CCDC63: variants seen among roughly 807,000 people sequenced by gnomAD.
CCDC63 encodes coiled-coil domain-containing protein 63.
In CCDC63, 54 loss-of-function variants were observed where a neutral mutation model predicts 63.6. The ratio of observed to expected loss-of-function variants is 0.85; its 90% CI spans 0.68 to 1.07. The LOEUF is 1.07. Among genes scored for constraint, CCDC63 ranks in the 50% least tolerant of loss-of-function variants. CCDC63 has a pLI of 0.00. For synonymous variants in CCDC63, 253 were observed against 266.1 expected, an observed-to-expected ratio of 0.95 and a Z score of 0.48; for missense variants, 637 against 689.6, an observed-to-expected ratio of 0.92 and a Z score of 0.86.
chr12:110,884,180 C>T lies in CCDC63; in HGVS notation c.1004C>T (p.Ala335Val), dbSNP rs1198454807. 1 of 1,614,112 alleles carries T rather than the reference C, an allele frequency of 6.2e-7. No individual in the cohort carries two copies. The highest frequency in any genetic ancestry group is 8.5e-7 in the Non-Finnish European group (1 of 1,180,028). ...DFLAKEEKNFARFTYVTELNN... is the reference protein window; with the variant it reads ...DFLAKEEKNFVRFTYVTELNN... The stretch of plus-strand genomic sequence containing the variant: ...CTGGCCAAGGAGGAGAAGAATTTTG[C>T]TCGGTTCACGTATGTCACGGAGCTC... Residue 335 changes from alanine (A) to valine (V), a missense_variant, in exon 8 of 12, where the codon GCT (alanine) becomes GTT (valine). Transcript: ENST00000308208.
chr12:110,864,980 T>A (rs2070923544), intron 4 of CCDC63, among the ~76,000 whole-genome samples: 1 of 152,222 alleles, frequency 6.6e-6, no homozygotes, highest in Non-Finnish European at 1.5e-5. Context: ...AGACTGACAC[T>A]ACCTTCAGGA....
At chr12:110,899,406 C>A (rs1441247487) in intron 10 of CCDC63, among the ~76,000 whole-genome samples, 1 of 152,184 alleles carries the variant, frequency 6.6e-6, no homozygotes, top group Non-Finnish European at 1.5e-5. Flanking sequence ...GCCATCTCAA[C>A]CTACTGGGCT....
intron 1 of CCDC63, among the ~76,000 whole-genome samples, chr12:110,847,394 A>C (rs527678429): frequency 6.6e-6 from 1 of 152,128 alleles, no homozygotes; most frequent in Admixed American, 6.5e-5. Flanking sequence ...TCTTTACAAA[A>C]TATTTAAAAA....
intron 3 of CCDC63, among the ~76,000 whole-genome samples, chr12:110,855,828 G>T (rs1049440180): frequency 6.6e-6 from 1 of 152,004 alleles, no homozygotes; most frequent in Non-Finnish European, 1.5e-5. Flanking sequence ...TGATCCACCC[G>T]CCTCGGCCTC....
chr12:110,890,007 G>C (rs983274905), intron 8 of CCDC63, among the ~76,000 whole-genome samples: 1 of 152,056 alleles, frequency 6.6e-6, no homozygotes, highest in Non-Finnish European at 1.5e-5. Flanking sequence ...CTTTTTGGTA[G>C]AGTTCTTTCT....
rs1306821378 is a variant in CCDC63 at position 110,866,818 on chromosome 12, T to A, written c.370-7024T>A. 2.2e-4 allele frequency among the ~76,000 whole-genome samples: 33 copies of A among 148,668 alleles called. 1 individual carries two copies. The highest frequency in any genetic ancestry group is 2.2e-3 in the Admixed American group (33 of 15,026). On this transcript the variant is annotated intron_variant, in intron 4 of 11. Transcript: ENST00000308208. ...CCGCCATTGTCATCCTGGCCCGTTC[T>A]CAATGAGCTGTTGGGCACACCTCCC...
chr12:110,868,325 G>A (rs1180009935), intron 4 of CCDC63, among the ~76,000 whole-genome samples: 1 of 136,836 alleles, frequency 7.3e-6, no homozygotes, highest in Non-Finnish European at 1.6e-5. Context: ...CTTCCCAGAC[G>A]GGGTGGCGGC....
At position 110,884,229 on chromosome 12, in the gene CCDC63, C is replaced by T. The variant is rs1230080622; in HGVS notation, c.1053C>T (p.His351=). 1 of 1,613,980 alleles carries T rather than the reference C, an allele frequency of 6.2e-7. No homozygotes were observed. The highest frequency in any genetic ancestry group is 1.7e-5 in the Admixed American group (1 of 60,004). The change falls in exon 8 of 12, where the codon CAC becomes CAT. Residue 351 remains histidine (H), a synonymous_variant. Coordinates refer to ENST00000308208, the MANE Select transcript of CCDC63 (RefSeq NM_152591.3). ...TELNNDMEMM[H]KRTQRIQDEI... is the part of the protein sequence containing the mutation. ...TCAACAACGACATGGAGATGATGCA[C>T]AAGAGGACCCAACGAATCCAGGTCA...
intron 4 of CCDC63, among the ~76,000 whole-genome samples, chr12:110,870,465 G>A (rs951762682): frequency 2.5e-4 from 38 of 152,152 alleles, no homozygotes; most frequent in Admixed American, 4.6e-4. Flanking sequence ...TTGCATTTAG[G>A]TTATTTACGT....
At chr12:110,857,727 G>T (rs1038121420) in intron 3 of CCDC63, among the ~76,000 whole-genome samples, 4 of 152,092 alleles carry the variant, frequency 2.6e-5, no homozygotes, top group African/African-American at 9.7e-5. Context: ...CCACATCCCG[G>T]TAGACATTTC....
intron 4 of CCDC63, among the ~76,000 whole-genome samples, chr12:110,870,397 A>T (rs560784340): frequency 1.3e-5 from 2 of 152,294 alleles, no homozygotes; most frequent in South Asian, 4.1e-4. Context: ...TTAGGATTTC[A>T]CTAGTGTTTT....
chr12:110,849,292 G>C (rs553604498), intron 1 of CCDC63, among the ~76,000 whole-genome samples: 1 of 152,142 alleles, frequency 6.6e-6, no homozygotes, highest in Non-Finnish European at 1.5e-5. Context: ...GATGTCTAGA[G>C]GTAGGCAGTT....
intron 10 of CCDC63, among the ~76,000 whole-genome samples, chr12:110,900,618 G>A (rs1306377514): frequency 1.4e-5 from 2 of 140,816 alleles, no homozygotes; most frequent in Non-Finnish European, 3.1e-5. Flanking sequence ...TTTTTTTTTC[G>A]AGATGGAGTC....
At chr12:110,857,862 T>C (rs1201442150) in intron 3 of CCDC63, among the ~76,000 whole-genome samples, 1 of 152,078 alleles carries the variant, frequency 6.6e-6, no homozygotes, top group Non-Finnish European at 1.5e-5. Context: ...ATCTCAGCAC[T>C]TTGGGAGGCC....
At chr12:110,848,290 A>G (rs7980320) in intron 1 of CCDC63, among the ~76,000 whole-genome samples, 110,837 of 152,048 alleles carry the variant, frequency 0.73, 40,582 homozygotes, top group African/African-American at 0.76. Flanking sequence ...CCCATGGACT[A>G]TGAGTTTCAG....
chr12:110,870,865 C>A (rs4766437), intron 4 of CCDC63, among the ~76,000 whole-genome samples: 1 of 152,178 alleles, frequency 6.6e-6, no homozygotes, highest in Non-Finnish European at 1.5e-5. Context: ...GCCAGCTTCC[C>A]CCTTTCTAGA....
intron 9 of CCDC63, among the ~76,000 whole-genome samples, chr12:110,896,344 A>G (rs1350443382): frequency 6.6e-6 from 1 of 152,022 alleles, no homozygotes; most frequent in East Asian, 1.9e-4. Context: ...GTCATATGGG[A>G]AATTTGCAGC....
intron 9 of CCDC63, among the ~76,000 whole-genome samples, chr12:110,894,518 T>C (rs2071394152): frequency 6.6e-6 from 1 of 152,188 alleles, no homozygotes; most frequent in Non-Finnish European, 1.5e-5. Flanking sequence ...GAGACAGGGA[T>C]GGCCGCCAGG....
chr12:110,858,342 A>G (rs574086078), intron 3 of CCDC63, among the ~76,000 whole-genome samples: 98 of 152,032 alleles, frequency 6.4e-4, no homozygotes, highest in African/African-American at 2.2e-3. Flanking sequence ...CACAGCTGCA[A>G]ATTGTTACCT....
Sources: gnomAD v4.1 joint callset for allele counts (sites outside exome capture counted in the v4.1 genomes callset) on GRCh38, gnomAD v4.1.1 for gene constraint, MANE v1.5 for transcripts, NCBI Gene and HGNC (gene_info 2026-07-23, HGNC 2026-07-21) for gene names.